Variants in BCKDHB observed in about 807,000 individuals in gnomAD.
The protein encoded by BCKDHB is 2-oxoisovalerate dehydrogenase subunit beta, mitochondrial.
A neutral mutation model predicts 48.5 loss-of-function variants in BCKDHB; 41 were observed. That is an observed-to-expected ratio of 0.85 (90% CI 0.66 to 1.10). The LOEUF (loss-of-function observed/expected upper bound fraction) is 1.10. Ranked by LOEUF, BCKDHB falls within the 50% of genes least tolerant of loss-of-function variation. The probability of loss-of-function intolerance (pLI) is 0.00; values close to 1 mark genes in which losing one functional copy is unlikely to be tolerated. For synonymous variants in BCKDHB, 201 were observed against 174.8 expected (o/e 1.15, Z -1.18); for missense variants, 496 against 494.2 (o/e 1.00, Z -0.03).
chr6:80,297,452 C>G (rs377671311), intron 9 of BCKDHB, among the ~76,000 whole-genome samples: 2 of 152,004 alleles, frequency 1.3e-5, no homozygotes, highest in East Asian at 3.9e-4. Flanking sequence ...ATAAACATCG[C>G]ACACACACAC....
the BCKDHB span, among the ~76,000 whole-genome samples, chr6:80,380,228 C>G: frequency 6.6e-6 from 1 of 151,676 alleles, no homozygotes; most frequent in Admixed American, 6.6e-5. Flanking sequence ...GGTACTGGCA[C>G]AAAAATGGTA....
chr6:80,348,943 A>C (rs1441965661), downstream of BCKDHB, among the ~76,000 whole-genome samples: 1 of 152,256 alleles, frequency 6.6e-6, no homozygotes, highest in Non-Finnish European at 1.5e-5. Flanking sequence ...GAAATAAAAC[A>C]GTAACAAGAA....
chr6:80,388,416 T>A, the BCKDHB span, among the ~76,000 whole-genome samples: 7 of 152,140 alleles, frequency 4.6e-5, no homozygotes, highest in African/African-American at 1.7e-4. Flanking sequence ...GAGAGACAGC[T>A]CCTGGCCTGT....
the BCKDHB span, among the ~76,000 whole-genome samples, chr6:80,370,146 C>A: frequency 6.6e-6 from 1 of 151,872 alleles, no homozygotes. Flanking sequence ...CTTTTTGAGG[C>A]AATAATAATA....
At chr6:80,420,839 G>T in the BCKDHB span, among the ~76,000 whole-genome samples, 7 of 152,204 alleles carry the variant, frequency 4.6e-5, no homozygotes, top group African/African-American at 1.7e-4. Flanking sequence ...GGAGCCAAAT[G>T]CTCAGTTAAT....
At chr6:80,181,587 T>C (rs1207548318) in intron 6 of BCKDHB, among the ~76,000 whole-genome samples, 1 of 152,154 alleles carries the variant, frequency 6.6e-6, no homozygotes, top group Admixed American at 6.5e-5. Context: ...TGATTTTAGT[T>C]GGGCTATTTC....
the BCKDHB span, among the ~76,000 whole-genome samples, chr6:80,369,770 T>C: frequency 6.6e-6 from 1 of 152,340 alleles, no homozygotes; most frequent in East Asian, 1.9e-4. Context: ...CAGTTAGCTT[T>C]TATGACCAAG....
At chr6:80,141,068 C>G (rs1423448878) in intron 3 of BCKDHB, among the ~76,000 whole-genome samples, 1 of 152,114 alleles carries the variant, frequency 6.6e-6, no homozygotes, top group Non-Finnish European at 1.5e-5. Context: ...TCCATTTCTT[C>G]TAGATTTTCT....
At chr6:80,279,371 G>T (rs781336186) in intron 9 of BCKDHB, among the ~76,000 whole-genome samples, 2 of 151,976 alleles carry the variant, frequency 1.3e-5, no homozygotes, top group Non-Finnish European at 2.9e-5. Context: ...GGTCAGGCTG[G>T]TCTCGAACTC....
At chr6:80,230,406 A>G (rs1233097978) in intron 8 of BCKDHB, among the ~76,000 whole-genome samples, 1 of 152,164 alleles carries the variant, frequency 6.6e-6, no homozygotes, top group East Asian at 1.9e-4. Context: ...AATAGCCAAG[A>G]AAAAAACAGT....
At chr6:80,258,197 G>C (rs1777139491) in intron 8 of BCKDHB, among the ~76,000 whole-genome samples, 1 of 152,154 alleles carries the variant, frequency 6.6e-6, no homozygotes, top group Admixed American at 6.5e-5. Flanking sequence ...AAAACACAGT[G>C]ATTGACAAGG....
chr6:80,166,498 A>G (rs1465379313), intron 3 of BCKDHB, among the ~76,000 whole-genome samples: 2 of 152,032 alleles, frequency 1.3e-5, no homozygotes, highest in Non-Finnish European at 2.9e-5. Flanking sequence ...TTTCCTAAAA[A>G]TACAAAAATT....
the BCKDHB span, among the ~76,000 whole-genome samples, chr6:80,446,829 T>A: frequency 3.3e-5 from 5 of 150,002 alleles, no homozygotes; most frequent in Non-Finnish European, 5.9e-5. Flanking sequence ...TGTTTCTGTG[T>A]GGAAGTGAAG....
At chr6:80,378,386 A>G in the BCKDHB span, among the ~76,000 whole-genome samples, 1 of 152,080 alleles carries the variant, frequency 6.6e-6, no homozygotes, top group African/African-American at 2.4e-5. Context: ...CTCCAGCTCC[A>G]TCTAGGTTGC....
the BCKDHB span, among the ~76,000 whole-genome samples, chr6:80,352,612 A>C: frequency 6.6e-6 from 1 of 152,232 alleles, no homozygotes; most frequent in Non-Finnish European, 1.5e-5. Context: ...TTTGCAGTAT[A>C]TTATATTTGA....
the BCKDHB span, among the ~76,000 whole-genome samples, chr6:80,457,540 C>A: frequency 2.0e-5 from 3 of 152,170 alleles, no homozygotes; most frequent in Admixed American, 2.0e-4. Context: ...CACATTTTCC[C>A]TTCATTGGCT....
At chr6:80,315,875 A>C (rs1370115858) in intron 9 of BCKDHB, among the ~76,000 whole-genome samples, 2 of 152,184 alleles carry the variant, frequency 1.3e-5, no homozygotes, top group African/African-American at 2.4e-5. Context: ...ACCTACCACA[A>C]TATGTGGCAT....
At chr6:80,246,009 G>C (rs1317742676) in intron 8 of BCKDHB, among the ~76,000 whole-genome samples, 1 of 152,128 alleles carries the variant, frequency 6.6e-6, no homozygotes, top group Non-Finnish European at 1.5e-5. Context: ...CTGGAAGGGG[G>C]AGGTTGCAGT....
At chr6:80,411,777 C>T in the BCKDHB span, among the ~76,000 whole-genome samples, 1 of 152,338 alleles carries the variant, frequency 6.6e-6, no homozygotes, top group Non-Finnish European at 1.5e-5. Flanking sequence ...AAGCCAGGCA[C>T]GGGAGGGAAT....
Sources: allele counts gnomAD v4.1 joint callset (sites outside exome capture counted in the v4.1 genomes callset), GRCh38; gene constraint gnomAD v4.1.1; transcripts MANE v1.5; gene names NCBI Gene and HGNC (gene_info 2026-07-23, HGNC 2026-07-21).